The following CNTN5 variants were observed in gnomAD, a reference collection of about 807,000 sequenced individuals.
CNTN5 encodes the protein contactin 5, also known as contactin-5.
CNTN5 carries 77 observed loss-of-function variants against 129.1 expected under a neutral mutation model. That is an observed-to-expected ratio of 0.60 (90% CI 0.50 to 0.72). The LOEUF (loss-of-function observed/expected upper bound fraction) is 0.72, where lower values mean the gene tolerates loss of function less well. CNTN5 is among the 30% of genes least tolerant of loss of function. The probability of loss-of-function intolerance (pLI) is 0.00; values close to 1 mark genes in which losing one functional copy is unlikely to be tolerated. For missense variants in CNTN5, 1,478 were observed against 1,328.8 expected (o/e 1.11, Z -1.75); for synonymous variants, 509 against 465.6 (o/e 1.09, Z -1.20).
intron 3 of CNTN5, among the ~76,000 whole-genome samples, chr11:99,596,730 A>T (rs886754462): frequency 6.6e-6 from 1 of 152,194 alleles, no homozygotes. Flanking sequence ...TCAGAATTCC[A>T]CTACTGGAAT....
At chr11:99,339,277 C>T (rs2249400) in intron 2 of CNTN5, among the ~76,000 whole-genome samples, 150,578 of 152,216 alleles carry the variant, frequency 0.99, 74,500 homozygotes, top group East Asian at 1. Flanking sequence ...AATTAAAATG[C>T]AAAATATTTT....
intron 17 of CNTN5, among the ~76,000 whole-genome samples, chr11:100,256,129 C>G (rs191341591): frequency 6.6e-6 from 1 of 152,232 alleles, no homozygotes; most frequent in Admixed American, 6.5e-5. Flanking sequence ...GGAACTATAT[C>G]ATGTTGGCTT....
intron 20 of CNTN5, 52 bp from the exon 21 acceptor site, chr11:100,308,307 A>T: frequency 6.5e-7 from 1 of 1,549,428 alleles, no homozygotes; most frequent in Non-Finnish European, 8.8e-7. Context: ...CAGGCGCAAT[A>T]CTTTGATGGA....
At chr11:99,201,579 T>G (rs990697317) in intron 1 of CNTN5, among the ~76,000 whole-genome samples, 5 of 152,122 alleles carry the variant, frequency 3.3e-5, no homozygotes, top group African/African-American at 1.2e-4. Context: ...ATTTGGTGAT[T>G]GCTAATCAGG....
intron 2 of CNTN5, among the ~76,000 whole-genome samples, chr11:99,366,098 G>C (rs755498115): frequency 2.0e-5 from 3 of 152,108 alleles, no homozygotes; most frequent in Non-Finnish European, 4.4e-5. Flanking sequence ...AAACCCTTTG[G>C]AACCTGGCTT....
chr11:99,467,490 T>C (rs2135261141), intron 2 of CNTN5, among the ~76,000 whole-genome samples: 1 of 152,330 alleles, frequency 6.6e-6, no homozygotes, highest in South Asian at 2.1e-4. Context: ...CGCTTTATCA[T>C]GAATGTCTGA....
At chr11:99,821,778 A>G (rs1051369762) in intron 4 of CNTN5, among the ~76,000 whole-genome samples, 2 of 152,176 alleles carry the variant, frequency 1.3e-5, no homozygotes, top group African/African-American at 4.8e-5. Context: ...TACCACTTAC[A>G]AAAAGCTCCC....
chr11:100,040,383 G>T (rs143861871), intron 9 of CNTN5, among the ~76,000 whole-genome samples: 14,052 of 152,222 alleles, frequency 0.092, 837 homozygotes, highest in East Asian at 0.18. Context: ...GCCCCTACTT[G>T]GGGGTGCCTC....
chr11:100,060,633 T>A (rs1408440264), intron 9 of CNTN5, among the ~76,000 whole-genome samples: 1 of 104,082 alleles, frequency 9.6e-6, no homozygotes, highest in Non-Finnish European at 1.9e-5. Context: ...ACATAACAAT[T>A]TTTTTTCTTT....
At chr11:100,000,312 G>A (rs1219791549) in intron 8 of CNTN5, among the ~76,000 whole-genome samples, 2 of 152,156 alleles carry the variant, frequency 1.3e-5, no homozygotes, top group African/African-American at 4.8e-5. Context: ...CATTCCAAAT[G>A]GGAGAAATTG....
intron 13 of CNTN5, among the ~76,000 whole-genome samples, chr11:100,098,011 A>G (rs1945071078): frequency 6.6e-6 from 1 of 152,040 alleles, no homozygotes; most frequent in Non-Finnish European, 1.5e-5. Flanking sequence ...TCGTTGTCAG[A>G]ATTACCAAGA....
chr11:99,524,809 AAAC>A (rs1225401710), intron 2 of CNTN5, among the ~76,000 whole-genome samples: 2 of 152,106 alleles, frequency 1.3e-5, no homozygotes, highest in African/African-American at 4.8e-5. Flanking sequence ...TCTCAAAAAA[AAAC>A]AAAAAAAAAG....
intron 3 of CNTN5, among the ~76,000 whole-genome samples, chr11:99,766,961 C>T (rs1296770596): frequency 6.6e-6 from 1 of 152,022 alleles, no homozygotes; most frequent in Non-Finnish European, 1.5e-5. Flanking sequence ...ATTTGCTTAT[C>T]ACTCCATGTC....
At position 99,596,519 on chromosome 11, in the gene CNTN5, G is replaced by A. The variant is rs1005242442; in HGVS notation, c.55+40250G>A. Among the ~76,000 whole-genome samples, 5 of 152,090 alleles carry A rather than the reference G, an allele frequency of 3.3e-5. No homozygotes were observed. In the East Asian group the frequency reaches 5.8e-4, roughly 18 times the overall value. Reference sequence around the variant, plus strand: ...TAAACACCCACTAATCACAGATTTAGGGAAAAAGCTCATAAGCTTCATAAA... The same window carrying A: ...TAAACACCCACTAATCACAGATTTAAGGAAAAAGCTCATAAGCTTCATAAA... On this transcript the variant is annotated intron_variant, in intron 3 of 24. Transcript: ENST00000524871.
At chr11:99,725,844 C>T (rs1943319514) in intron 3 of CNTN5, among the ~76,000 whole-genome samples, 1 of 152,128 alleles carries the variant, frequency 6.6e-6, no homozygotes, top group Non-Finnish European at 1.5e-5. Context: ...CAATACACTG[C>T]AGATTTTGAT....
At chr11:99,457,085 G>A (rs1043872909) in intron 2 of CNTN5, among the ~76,000 whole-genome samples, 4 of 151,886 alleles carry the variant, frequency 2.6e-5, no homozygotes, top group Non-Finnish European at 5.9e-5. Flanking sequence ...AAGTTATTTG[G>A]AATCGGTAGA....
At chr11:100,208,074 A>G (rs1948951835) in intron 15 of CNTN5, among the ~76,000 whole-genome samples, 1 of 152,168 alleles carries the variant, frequency 6.6e-6, no homozygotes, top group Admixed American at 6.6e-5. Flanking sequence ...TTAGAGGAAA[A>G]AACTACATTT....
chr11:99,530,161 A>AAG (rs1403499519), intron 2 of CNTN5, among the ~76,000 whole-genome samples: 3 of 152,142 alleles, frequency 2.0e-5, no homozygotes, highest in Non-Finnish European at 4.4e-5. Flanking sequence ...TATTTTTCTA[A>AAG]AGAAGACACT....
intron 6 of CNTN5, among the ~76,000 whole-genome samples, chr11:99,889,313 TGTGTGTGTGTGTGTGTGTGTG>T (rs1948986921): frequency 9.0e-6 from 1 of 111,230 alleles, no homozygotes; most frequent in Non-Finnish European, 2.0e-5. Flanking sequence ...TGTGTGTGTG[TGTGTGTGTGTGTGTGTGTGTG>T]TGTGTGTGTG....
Sources: gnomAD v4.1 joint callset for allele counts (sites outside exome capture counted in the v4.1 genomes callset) on GRCh38, gnomAD v4.1.1 for gene constraint, MANE v1.5 for transcripts, NCBI Gene and HGNC (gene_info 2026-07-23, HGNC 2026-07-21) for gene names.